GRIP1: variants seen among roughly 807,000 people sequenced by gnomAD.
GRIP1 encodes the protein glutamate receptor-interacting protein 1.
GRIP1 carries 45 observed loss-of-function variants against 129.9 expected under a neutral mutation model. That is an observed-to-expected ratio of 0.35 (90% CI 0.27 to 0.44). GRIP1 has a LOEUF of 0.44. GRIP1 is among the 20% of genes least tolerant of loss of function. The probability of loss-of-function intolerance (pLI) is 1.00; values close to 1 mark genes in which losing one functional copy is unlikely to be tolerated. For missense variants in GRIP1, 1,196 were observed against 1,396.8 expected (o/e 0.86, Z 2.29); for synonymous variants, 530 against 520.8 (o/e 1.02, Z -0.24).
At position 66,878,846 on chromosome 12, in the gene GRIP1, T is replaced by G. The variant is rs529433600; in HGVS notation, c.58+190204A>C. 7.9e-5 allele frequency among the ~76,000 whole-genome samples: 12 copies of G among 151,956 alleles called. No homozygotes were observed. In the South Asian group the frequency reaches 1.7e-3, roughly 21 times the overall value. ...ATAGAGGTGACGCAATTTTAGAATG[T>G]CCAGAGAAGGCCTTACTGAGAAGGT... On this transcript the variant is annotated intron_variant, in intron 1 of 1. Transcript: ENST00000643019.
At chr12:66,449,373 T>C (rs1405048928) in intron 11 of GRIP1, among the ~76,000 whole-genome samples, 1 of 152,234 alleles carries the variant, frequency 6.6e-6, no homozygotes, top group Non-Finnish European at 1.5e-5. Flanking sequence ...CAAGTCATTC[T>C]TCAGGGCCCA....
chr12:66,559,137 T>TAA (rs55900328), intron 2 of GRIP1, among the ~76,000 whole-genome samples: 117 of 141,742 alleles, frequency 8.3e-4, no homozygotes, highest in South Asian at 6.7e-4. Context: ...CCCTTCATGA[T>TAA]AAAAAAAAAA....
Position 66,431,380 on chromosome 12 carries a change from T to C in GRIP1, c.1768+1168A>G, listed in dbSNP as rs192472779. Among the ~76,000 whole-genome samples, 29 of 152,306 alleles carry C rather than the reference T, an allele frequency of 1.9e-4. No individual in the cohort carries two copies. In the East Asian group the frequency reaches 5.4e-3, roughly 28 times the overall value. On this transcript the variant is annotated intron_variant, in intron 14 of 24. Coordinates refer to ENST00000359742, the MANE Select transcript of GRIP1 (RefSeq NM_001366722.1). ...TTGGGGGGATCTAGGCTCTCTCCCA[T>C]ACATGTGGCTTCTTGCTCTTAATAT...
chr12:66,865,815 T>G (rs1414696805), intron 1 of GRIP1, among the ~76,000 whole-genome samples: 1 of 152,138 alleles, frequency 6.6e-6, no homozygotes, highest in Non-Finnish European at 1.5e-5. Flanking sequence ...CTTCCTATAT[T>G]TTTAGATTAT....
At chr12:66,413,756 A>G (rs372412811) in intron 15 of GRIP1, among the ~76,000 whole-genome samples, 4 of 152,226 alleles carry the variant, frequency 2.6e-5, no homozygotes, top group African/African-American at 9.6e-5. Context: ...CACCACGATC[A>G]AGTTGGCTTC....
chr12:66,750,247 A>G (rs193108517), intron 1 of GRIP1, among the ~76,000 whole-genome samples: 34 of 152,286 alleles, frequency 2.2e-4, no homozygotes, highest in African/African-American at 7.0e-4. Flanking sequence ...AACAGGCTTT[A>G]TTAGGAAATT....
chr12:66,688,211 G>A (rs983773275), intron 1 of GRIP1, among the ~76,000 whole-genome samples: 1 of 152,122 alleles, frequency 6.6e-6, no homozygotes, highest in Non-Finnish European at 1.5e-5. Context: ...GGATCAAAGA[G>A]TCTTGTCTAA....
At chr12:66,926,482 T>C (rs1465808874) in intron 1 of GRIP1, among the ~76,000 whole-genome samples, 2 of 152,158 alleles carry the variant, frequency 1.3e-5, no homozygotes, top group African/African-American at 4.8e-5. Context: ...TGAGTTCGAG[T>C]TCTGCCTCCA....
rs189418917 is a variant in GRIP1, at chr12:66,610,519, T to C, written c.56-13592A>G. Among the ~76,000 whole-genome samples the C allele has an allele frequency of 4.4e-3, 670 of 152,278 alleles. 4 individuals are homozygous for C. Among genetic ancestry groups the C allele is most frequent in the Admixed American group, 5.9e-3 (90 of 15,290 alleles). ...AGAATGACCAGGAACTTAGAGCCAATGGTAAGAACCAAGATAGTACAGAGC... is the reference window on the plus strand; with the variant it reads ...AGAATGACCAGGAACTTAGAGCCAACGGTAAGAACCAAGATAGTACAGAGC... On this transcript the variant is annotated intron_variant, in intron 1 of 24. Coordinates refer to ENST00000359742, the MANE Select transcript of GRIP1 (RefSeq NM_001366722.1).
chr12:66,558,310 A>G (rs934666311), intron 2 of GRIP1, among the ~76,000 whole-genome samples: 2 of 152,166 alleles, frequency 1.3e-5, no homozygotes, highest in African/African-American at 4.8e-5. Flanking sequence ...ACATGGTGGC[A>G]GGCAAGGGCG....
At chr12:66,496,076 C>T (rs761198940) in intron 7 of GRIP1, among the ~76,000 whole-genome samples, 11 of 151,924 alleles carry the variant, frequency 7.2e-5, no homozygotes, top group African/African-American at 1.2e-4. Context: ...GTGTGTGGCT[C>T]AGTACCTTTC....
chr12:66,718,749 G>A (rs1359225120), intron 1 of GRIP1, among the ~76,000 whole-genome samples: 2 of 152,134 alleles, frequency 1.3e-5, no homozygotes, highest in African/African-American at 4.8e-5. Context: ...CTACTCTGGA[G>A]GCTGAGGCAG....
intron 2 of GRIP1, among the ~76,000 whole-genome samples, chr12:66,557,165 C>A (rs1204838811): frequency 6.6e-6 from 1 of 151,650 alleles, no homozygotes; most frequent in Admixed American, 6.6e-5. Flanking sequence ...CACAAAAGGG[C>A]AGAAGTAGCT....
rs76500864 is a variant in GRIP1 at position 66,914,019 on chromosome 12, T to C, written c.58+155031A>G. Among the ~76,000 whole-genome samples, 588 of 152,304 alleles carry C rather than the reference T, an allele frequency of 3.9e-3. 25 individuals carry two copies. The East Asian group carries it at 0.081, about 21-fold the overall frequency. On this transcript the variant is annotated intron_variant, in intron 1 of 1. Coordinates refer to the GRIP1 transcript ENST00000643019. ...TCTTGTTAAAGTCATTAAATTCTTATAACAATCCTATGAGATCAGAATTAC... is the reference window on the plus strand; with the variant it reads ...TCTTGTTAAAGTCATTAAATTCTTACAACAATCCTATGAGATCAGAATTAC...
intron 1 of GRIP1, among the ~76,000 whole-genome samples, chr12:66,911,988 T>A (rs2041037931): frequency 6.6e-6 from 1 of 152,174 alleles, no homozygotes; most frequent in African/African-American, 2.4e-5. Flanking sequence ...AGTAATTACA[T>A]CAATCTACAT....
chr12:66,689,125 C>T (rs2034887599), intron 1 of GRIP1, among the ~76,000 whole-genome samples: 1 of 152,150 alleles, frequency 6.6e-6, no homozygotes, highest in South Asian at 2.1e-4. Flanking sequence ...CAAATTGAGG[C>T]CAGATACTTG....
At chr12:66,537,172 A>G (rs1314890396) in intron 4 of GRIP1, among the ~76,000 whole-genome samples, 1 of 152,202 alleles carries the variant, frequency 6.6e-6, no homozygotes, top group Non-Finnish European at 1.5e-5. Context: ...TCCAAATACT[A>G]ACTTAATTAA....
intron 1 of GRIP1, among the ~76,000 whole-genome samples, chr12:66,685,418 C>T (rs897415484): frequency 6.6e-6 from 1 of 151,794 alleles, no homozygotes; most frequent in African/African-American, 2.4e-5. Flanking sequence ...GATACTTTGA[C>T]CAACAATTTG....
intron 1 of GRIP1, among the ~76,000 whole-genome samples, chr12:67,038,631 G>A (rs887352161): frequency 3.3e-5 from 5 of 152,184 alleles, no homozygotes; most frequent in East Asian, 3.9e-4. Flanking sequence ...CTTAACATGC[G>A]CTTTCTTAAC....
Sources: gnomAD v4.1 joint callset for allele counts (sites outside exome capture counted in the v4.1 genomes callset) on GRCh38, gnomAD v4.1.1 for gene constraint, MANE v1.5 for transcripts, NCBI Gene and HGNC (gene_info 2026-07-23, HGNC 2026-07-21) for gene names.